The following DROSHA variants were observed in gnomAD, a reference collection of about 807,000 sequenced individuals.
DROSHA encodes ribonuclease 3.
Under a neutral mutation model 181.9 loss-of-function variants are expected in DROSHA, and 56 were observed. The ratio of observed to expected loss-of-function variants is 0.31; its 90% CI spans 0.25 to 0.38. The LOEUF (loss-of-function observed/expected upper bound fraction) is 0.38. Among genes scored for constraint, DROSHA ranks in the 10% least tolerant of loss-of-function variants. The probability of loss-of-function intolerance (pLI) is 1.00; values close to 1 mark genes in which losing one functional copy is unlikely to be tolerated. For missense variants in DROSHA, 1,218 were observed against 1,743.5 expected (o/e 0.70, Z 5.37); for synonymous variants, 524 against 591.2 (o/e 0.89, Z 1.65).
At chr5:31,429,744 G>A (rs957938350) in intron 26 of DROSHA, among the ~76,000 whole-genome samples, 199 bp from the exon 27 acceptor site, 1 of 152,120 alleles carries the variant, frequency 6.6e-6, no homozygotes. Flanking sequence ...GAAATAATAT[G>A]AAATTCAATT....
intron 11 of DROSHA, among the ~76,000 whole-genome samples, chr5:31,500,679 T>A (rs943324135): frequency 6.6e-6 from 1 of 152,160 alleles, no homozygotes; most frequent in African/African-American, 2.4e-5. Flanking sequence ...GGTAGCCTCC[T>A]CTGCAGGCCA....
intron 25 of DROSHA, among the ~76,000 whole-genome samples, chr5:31,432,427 T>C (rs1289501735): frequency 3.9e-5 from 6 of 152,140 alleles, no homozygotes; most frequent in Non-Finnish European, 5.9e-5. Flanking sequence ...CCACCACGCC[T>C]GGCCCAAAAT....
At chr5:31,450,659 C>T (rs973243496) in intron 21 of DROSHA, among the ~76,000 whole-genome samples, 4 of 151,942 alleles carry the variant, frequency 2.6e-5, no homozygotes, top group Admixed American at 6.6e-5. Flanking sequence ...AGTGGTATAA[C>T]GGACACTGGA....
Position 31,405,608 on chromosome 5 carries a change from T to C in DROSHA, c.3994+69A>G. On this transcript the variant is annotated intron_variant, in intron 35 of 35. Transcript: ENST00000344624. ...TATCAATACTTACCATTTTTCTCCT[T>C]CCTCATTTCCTTTCCATAAAACACT... 6.6e-6 allele frequency: 9 copies of C among 1,369,256 alleles called. 1 individual carries two copies. The South Asian group carries it at 1.1e-4, about 16-fold the overall frequency. The allele number at this position is 1,369,256 out of a possible 1,614,324, so 84.8% of individuals were successfully genotyped here.
At chr5:31,475,433 T>C (rs1366022553) in intron 16 of DROSHA, among the ~76,000 whole-genome samples, 2 of 152,204 alleles carry the variant, frequency 1.3e-5, no homozygotes, top group Non-Finnish European at 2.9e-5. Context: ...ACAATACCTG[T>C]CTCTCAGTCT....
intron 6 of DROSHA, among the ~76,000 whole-genome samples, chr5:31,515,968 A>G (rs1020412068): frequency 6.6e-6 from 1 of 152,190 alleles, no homozygotes; most frequent in Non-Finnish European, 1.5e-5. Flanking sequence ...AAAAACCTAT[A>G]GGGTCAGCTG....
At chr5:31,437,655 C>A (rs1223411427) in intron 23 of DROSHA, among the ~76,000 whole-genome samples, 1 of 152,118 alleles carries the variant, frequency 6.6e-6, no homozygotes, top group Non-Finnish European at 1.5e-5. Context: ...GATTTTCTGA[C>A]CACTGAAAAA....
At chr5:31,522,036 A>C (rs1238046243) in intron 5 of DROSHA, among the ~76,000 whole-genome samples, 2 of 152,248 alleles carry the variant, frequency 1.3e-5, no homozygotes, top group East Asian at 3.9e-4. Flanking sequence ...GTTTGAACTC[A>C]AAAATATCCC....
chr5:31,493,228 A>T lies in DROSHA; in HGVS notation c.1821T>A (p.Phe607Leu), dbSNP rs1299199946. Reference sequence around the variant, plus strand: ...TTACATTGGTCAGGGGGGCATGTGCAAACATAGAAAATCCTTCAAAGATAT... The same window carrying T: ...TTACATTGGTCAGGGGGGCATGTGCTAACATAGAAAATCCTTCAAAGATAT... ...HEYIFEGFSM[F>L]AHAPLTNIPL... Residue 607 changes from phenylalanine to leucine, a missense_variant, in exon 13 of 36, where the codon TTT (phenylalanine) becomes TTA (leucine). Physicochemically the swap from Phe to Leu is conservative, Grantham distance 22 (BLOSUM62 0). This residue lies in a region of DROSHA where 460 missense variants were observed against 774.2 expected (regional missense o/e 0.59). Transcript: ENST00000344624. 6.2e-7 allele frequency: 1 copy of T among 1,607,098 alleles called. No homozygotes were observed. The highest frequency in any genetic ancestry group is 8.5e-7 in the Non-Finnish European group (1 of 1,177,192).
chr5:31,435,588 G>C (rs748680051), intron 25 of DROSHA, among the ~76,000 whole-genome samples, 177 bp downstream of exon 25: 4 of 152,116 alleles, frequency 2.6e-5, no homozygotes, highest in Non-Finnish European at 5.9e-5. Context: ...AACTCACAAA[G>C]GTAACAGAAC....
intron 5 of DROSHA, among the ~76,000 whole-genome samples, chr5:31,521,782 T>C (rs1010044694): frequency 6.6e-6 from 1 of 152,050 alleles, no homozygotes; most frequent in Non-Finnish European, 1.5e-5. Context: ...TAAATAGAGA[T>C]GTTGGGCTTA....
At chr5:31,446,708 A>G (rs1355310074) in intron 23 of DROSHA, among the ~76,000 whole-genome samples, 1 of 150,952 alleles carries the variant, frequency 6.6e-6, no homozygotes. Flanking sequence ...TAAGATGGTA[A>G]TCATCAACCT....
chr5:31,472,274 C>T (rs1749820096), intron 16 of DROSHA, 42 bp from the exon 17 acceptor site: 2 of 1,535,250 alleles, frequency 1.3e-6, no homozygotes, highest in East Asian at 4.7e-5. Flanking sequence ...AAAAATAAGG[C>T]TACTCAACTT....
In DROSHA at chr5:31,526,290, C is replaced by A. The variant is rs752260854; in HGVS notation, c.643G>T (p.Ala215Ser). The A allele has an allele frequency of 6.2e-7, 1 of 1,613,638 alleles. No individual in the cohort carries two copies. The highest frequency in any genetic ancestry group is 1.3e-5 in the African/African-American group (1 of 74,816). Residue 215 changes from alanine (A) to serine (S), a missense_variant, in exon 5 of 36, where the codon GCT (alanine) becomes TCT (serine). This residue lies in a region of DROSHA where 536 missense variants were observed against 535.4 expected (regional missense o/e 1.00). Coordinates refer to ENST00000344624, the MANE Select transcript of DROSHA (RefSeq NM_001382508.1). Reference protein sequence around the residue: ...RHLPPYPLPKAPSERRSPERL... With the variant: ...RHLPPYPLPKSPSERRSPERL... ...TCTGGGGACCTTCTCTCACTGGGAG[C>A]CTTTGGGAGTGGGTATGGAGGGAGA...
At chr5:31,418,267 C>T (rs191746570) in intron 30 of DROSHA, among the ~76,000 whole-genome samples, 33 of 147,742 alleles carry the variant, frequency 2.2e-4, no homozygotes, top group African/African-American at 7.2e-4. Context: ...GAGAGGGAGA[C>T]AGAGAGAGAG....
Position 31,449,267 on chromosome 5 carries a change from T to C in DROSHA, c.2821+14A>G. 1.3e-5 allele frequency: 21 copies of C among 1,612,880 alleles called. No individual in the cohort carries two copies. The highest frequency in any genetic ancestry group is 1.8e-5 in the Non-Finnish European group (21 of 1,179,254). On this transcript the variant is annotated intron_variant, in intron 22 of 35. Coordinates refer to ENST00000344624, the MANE Select transcript of DROSHA (RefSeq NM_001382508.1). Reference sequence around the variant, plus strand: ...AAAATAGGAGATTCACATCTTAAAATCATCCAGACATACCTTTCTTCCGCA... The same window carrying C: ...AAAATAGGAGATTCACATCTTAAAACCATCCAGACATACCTTTCTTCCGCA...
chr5:31,447,389 T>C (rs1025298500), intron 23 of DROSHA, among the ~76,000 whole-genome samples: 1 of 152,228 alleles, frequency 6.6e-6, no homozygotes, highest in Non-Finnish European at 1.5e-5. Flanking sequence ...TTTAAAAAGA[T>C]GGTAATGATT....
At chr5:31,531,008 G>A (rs1055457905) in intron 2 of DROSHA, 84 bp from the exon 3 acceptor site, 9 of 393,352 alleles carry the variant, frequency 2.3e-5, no homozygotes, top group African/African-American at 1.7e-4. Context: ...TCCCTTCCAT[G>A]TACCTCCGCA....
At chr5:31,428,868 A>C (rs1339405729) in intron 27 of DROSHA, among the ~76,000 whole-genome samples, 1 of 152,200 alleles carries the variant, frequency 6.6e-6, no homozygotes, top group Non-Finnish European at 1.5e-5. Context: ...ACTCTATTAC[A>C]TGCAGGATTA....
Sources: gnomAD v4.1 joint callset for allele counts (sites outside exome capture counted in the v4.1 genomes callset) on GRCh38, gnomAD v4.1.1 for gene constraint, gnomAD v4.1.1 regional missense constraint, MANE v1.5 for transcripts, NCBI Gene and HGNC (gene_info 2026-07-23, HGNC 2026-07-21) for gene names.